GLIS3: variants seen among roughly 807,000 people sequenced by gnomAD.
GLIS3 encodes the protein zinc finger protein GLIS3.
A neutral mutation model predicts 78.6 loss-of-function variants in GLIS3; 53 were observed. The observed-to-expected ratio is 0.67, with a 90% CI of 0.54 to 0.85. GLIS3 has a LOEUF of 0.85. Ranked by LOEUF, GLIS3 falls within the 40% of genes least tolerant of loss-of-function variation. GLIS3 has a pLI of 0.00. For synonymous variants in GLIS3, 684 were observed against 509.9 expected, an observed-to-expected ratio of 1.34 and a Z score of -4.60; for missense variants, 1,703 against 1,231.1, an observed-to-expected ratio of 1.38 and a Z score of -5.74.
intron 4 of GLIS3, among the ~76,000 whole-genome samples, chr9:4,088,872 A>G (rs934488427): frequency 6.6e-6 from 1 of 152,262 alleles, no homozygotes; most frequent in African/African-American, 2.4e-5. Context: ...CCAAAATCCT[A>G]CATGGCAGGA....
chr9:4,241,783 A>C (rs927308661), intron 2 of GLIS3, among the ~76,000 whole-genome samples: 2 of 152,132 alleles, frequency 1.3e-5, no homozygotes, highest in African/African-American at 4.8e-5. Flanking sequence ...CCTGAGTTCA[A>C]GTGATTCTCA....
chr9:3,902,639 G>C (rs977657100), intron 6 of GLIS3, among the ~76,000 whole-genome samples: 2 of 152,138 alleles, frequency 1.3e-5, no homozygotes, highest in Admixed American at 6.5e-5. Flanking sequence ...CCCCACCCCA[G>C]AGCTGCTCAT....
At chr9:4,143,393 C>G (rs1055160476) in intron 2 of GLIS3, among the ~76,000 whole-genome samples, 1 of 151,782 alleles carries the variant, frequency 6.6e-6, no homozygotes, top group Admixed American at 6.6e-5. Flanking sequence ...ATGATGAAAC[C>G]CTGTCTCTAC....
At chr9:4,384,821 C>G in the GLIS3 span, among the ~76,000 whole-genome samples, 2 of 152,108 alleles carry the variant, frequency 1.3e-5, no homozygotes, top group Non-Finnish European at 2.9e-5. Flanking sequence ...CCTCCAGCCC[C>G]GTGTACACAT....
chr9:4,311,338 G>T (rs750125652), intron 2 of GLIS3, among the ~76,000 whole-genome samples: 1 of 152,250 alleles, frequency 6.6e-6, no homozygotes, highest in South Asian at 2.1e-4. Flanking sequence ...GAGCTGGAGA[G>T]GTGGAGGTTG....
chr9:4,352,056 A>G (rs1466669817), upstream of GLIS3, among the ~76,000 whole-genome samples: 1 of 152,250 alleles, frequency 6.6e-6, no homozygotes, highest in African/African-American at 2.4e-5. Context: ...AGTAAACTTC[A>G]GCGTAAGTAC....
the GLIS3 span, among the ~76,000 whole-genome samples, chr9:4,446,672 G>C: frequency 7.7e-6 from 1 of 129,530 alleles, no homozygotes; most frequent in East Asian, 2.5e-4. Flanking sequence ...ACCATGCCCG[G>C]CTAATTTTTT....
At chr9:3,910,514 T>C (rs1824062258) in intron 6 of GLIS3, among the ~76,000 whole-genome samples, 1 of 152,202 alleles carries the variant, frequency 6.6e-6, no homozygotes, top group African/African-American at 2.4e-5. Context: ...CACATCCAGC[T>C]AATTTTCAAT....
intron 2 of GLIS3, among the ~76,000 whole-genome samples, chr9:4,131,075 G>A (rs1020393557): frequency 5.9e-5 from 9 of 152,166 alleles, no homozygotes; most frequent in Non-Finnish European, 1.2e-4. Flanking sequence ...GGGGGGTTGG[G>A]GCTTGCATAG....
chr9:3,828,200 G>A lies in GLIS3; in HGVS notation c.*72C>T. 2 of 1,571,178 alleles carry A rather than the reference G, an allele frequency of 1.3e-6. No homozygotes were observed. The highest frequency in any genetic ancestry group is 1.7e-6 in the Non-Finnish European group (2 of 1,143,280). On this transcript the variant is annotated 3_prime_UTR_variant, in exon 11 of 11. Coordinates refer to ENST00000381971, the MANE Select transcript of GLIS3 (RefSeq NM_001042413.2). Reference sequence around the variant, plus strand: ...GCTGACATCCTTCCTCAAGCAGTCTGTGAGAGTACGAAAACAAAAGGTGGC... The same window carrying A: ...GCTGACATCCTTCCTCAAGCAGTCTATGAGAGTACGAAAACAAAAGGTGGC...
At chr9:3,868,276 C>T (rs982167173) in intron 8 of GLIS3, among the ~76,000 whole-genome samples, 1 of 152,178 alleles carries the variant, frequency 6.6e-6, no homozygotes, top group Non-Finnish European at 1.5e-5. Flanking sequence ...TCCAAGTTTT[C>T]TCAGATATAA....
chr9:4,272,703 G>A (rs1300408689), intron 2 of GLIS3, among the ~76,000 whole-genome samples: 1 of 152,086 alleles, frequency 6.6e-6, no homozygotes, highest in African/African-American at 2.4e-5. Flanking sequence ...TCACTCACTG[G>A]CCCCAATAAG....
At chr9:4,422,082 A>C in the GLIS3 span, among the ~76,000 whole-genome samples, 1 of 152,256 alleles carries the variant, frequency 6.6e-6, no homozygotes, top group African/African-American at 2.4e-5. Context: ...TTTCTCAAAA[A>C]GTCAATTGTG....
intron 2 of GLIS3, among the ~76,000 whole-genome samples, chr9:4,326,430 T>C (rs1386777649): frequency 2.0e-5 from 3 of 152,144 alleles, no homozygotes; most frequent in South Asian, 2.1e-4. Flanking sequence ...TCGAAAACAT[T>C]ATGCTAAGTG....
At chr9:3,954,620 C>T (rs1160603284) in intron 4 of GLIS3, among the ~76,000 whole-genome samples, 1 of 152,208 alleles carries the variant, frequency 6.6e-6, no homozygotes, top group Non-Finnish European at 1.5e-5. Context: ...TCAATATGCA[C>T]TTCCAAGCTC....
intron 6 of GLIS3, among the ~76,000 whole-genome samples, chr9:3,930,308 C>T (rs766045942): frequency 6.6e-6 from 1 of 152,168 alleles, no homozygotes; most frequent in Non-Finnish European, 1.5e-5. Context: ...ATTTGAGAGA[C>T]AGTGTCTCCA....
chr9:4,231,344 G>T (rs62541789), intron 2 of GLIS3, among the ~76,000 whole-genome samples: 1 of 152,150 alleles, frequency 6.6e-6, no homozygotes, highest in East Asian at 1.9e-4. Context: ...TACCTAAGAG[G>T]AAGCATGGGA....
At chr9:4,068,297 G>C (rs190007924) in intron 4 of GLIS3, among the ~76,000 whole-genome samples, 2 of 148,922 alleles carry the variant, frequency 1.3e-5, no homozygotes, top group East Asian at 2.0e-4. Context: ...TTATAGAAAA[G>C]GTGCCACATT....
chr9:4,416,500 CCTT>C, the GLIS3 span, among the ~76,000 whole-genome samples: 2 of 152,060 alleles, frequency 1.3e-5, no homozygotes, highest in East Asian at 3.9e-4. Context: ...ACATTGCTTG[CCTT>C]CTTTTTGTAA....
Sources: allele counts gnomAD v4.1 joint callset (sites outside exome capture counted in the v4.1 genomes callset), GRCh38; gene constraint gnomAD v4.1.1; transcripts MANE v1.5; gene names NCBI Gene and HGNC (gene_info 2026-07-23, HGNC 2026-07-21).